The following NFASC variants were observed in gnomAD, a reference collection of about 807,000 sequenced individuals.
NFASC encodes the protein neurofascin.
Under a neutral mutation model 147.5 loss-of-function variants are expected in NFASC, and 43 were observed. That is an observed-to-expected ratio of 0.29 (90% CI 0.23 to 0.38). NFASC has a LOEUF of 0.38. NFASC is among the 10% of genes least tolerant of loss of function. NFASC has a pLI of 1.00. For missense variants in NFASC, 1,320 were observed against 1,689.0 expected (o/e 0.78, Z 3.83); for synonymous variants, 622 against 665.5 (o/e 0.93, Z 1.01).
intron 1 of NFASC, among the ~76,000 whole-genome samples, chr1:204,896,001 ATCTATTGGATTCCTTGAGATTATT>A (rs573879579): frequency 6.6e-6 from 1 of 152,296 alleles, no homozygotes; most frequent in East Asian, 1.9e-4. Flanking sequence ...TCAGTGTCCA[ATCTATTGGATTCCTTGAGATTATT>A]TTGTTTAGGA....
At chr1:204,993,126 C>T (rs368567991) in intron 24 of NFASC, among the ~76,000 whole-genome samples, 1 of 152,220 alleles carries the variant, frequency 6.6e-6, no homozygotes, top group East Asian at 1.9e-4. Context: ...GTGGGCCTGG[C>T]GTCCGGCCCA....
At chr1:204,921,040 G>C (rs2090373112) in intron 2 of NFASC, among the ~76,000 whole-genome samples, 1 of 152,146 alleles carries the variant, frequency 6.6e-6, no homozygotes, top group South Asian at 2.1e-4. Flanking sequence ...GAAAAATTGG[G>C]AAACAACTTT....
Position 204,968,399 on chromosome 1 carries a change from A to G in NFASC, c.818+39A>G, listed in dbSNP as rs765715167. 1.2e-5 allele frequency: 17 copies of G among 1,466,566 alleles called. No homozygotes were observed. Among genetic ancestry groups the G allele is most frequent in the Non-Finnish European group, 1.5e-5 (16 of 1,045,882 alleles). The allele number at this position is 1,466,566 out of a possible 1,614,324, so 90.8% of individuals were successfully genotyped here. On this transcript the variant is annotated intron_variant, in intron 9 of 29. Transcript: ENST00000339876. The surrounding 1 kb of genome is among the most constrained non-coding windows in gnomAD (Gnocchi z 5.4). Reference sequence around the variant, plus strand: ...GCAGCCCCTCTTCTAGCCACCCTCCAGGAGGATGGGGATGGGAGCTTGTTC... The same window carrying G: ...GCAGCCCCTCTTCTAGCCACCCTCCGGGAGGATGGGGATGGGAGCTTGTTC...
At chr1:204,835,261 C>T (rs1673401840) in intron 1 of NFASC, among the ~76,000 whole-genome samples, 1 of 140,498 alleles carries the variant, frequency 7.1e-6, no homozygotes. Context: ...TGCTCTGTCA[C>T]CCAGGCTGGA....
Position 204,987,600 on chromosome 1 carries a change from C to T in NFASC, c.2593+60C>T, listed in dbSNP as rs2095642368. 1.3e-6 allele frequency: 2 copies of T among 1,599,178 alleles called. No individual in the cohort carries two copies. Among genetic ancestry groups the T allele is most frequent in the Non-Finnish European group, 1.7e-6 (2 of 1,168,622 alleles). ...TGGGAACCAGAAACCCCATTCTCAC[C>T]ACTTTTCCTAAGGACTCAAGGTAGA... On this transcript the variant is annotated intron_variant, in intron 22 of 29. Coordinates refer to ENST00000339876, the MANE Select transcript of NFASC (RefSeq NM_001005388.3). This position sits in a 1 kb window ranked among gnomAD's most constrained non-coding sequence, Gnocchi z 4.4.
intron 24 of NFASC, among the ~76,000 whole-genome samples, chr1:204,995,029 A>T (rs1290730362): frequency 3.9e-5 from 6 of 152,118 alleles, no homozygotes; most frequent in South Asian, 2.1e-4. Flanking sequence ...CTGAGGTGGG[A>T]GGATTGCTTG....
At position 204,872,242 on chromosome 1, in the gene NFASC, C is replaced by T. The variant is rs767852426; in HGVS notation, c.-200+43460C>T. Among the ~76,000 whole-genome samples, 5 of 152,172 alleles carry T rather than the reference C, an allele frequency of 3.3e-5. No homozygotes were observed. In the East Asian group the frequency reaches 5.8e-4, roughly 18 times the overall value. The stretch of plus-strand genomic sequence containing the variant: ...CCCTCAACCCTATGCACAAAGCAAA[C>T]GGTACAGTTTTCCCTGAGCATCACG... On this transcript the variant is annotated intron_variant, in intron 1 of 29. Coordinates refer to ENST00000339876, the MANE Select transcript of NFASC (RefSeq NM_001005388.3).
chr1:204,832,689 G>T (rs187055384), intron 1 of NFASC, among the ~76,000 whole-genome samples: 2 of 152,182 alleles, frequency 1.3e-5, no homozygotes, highest in Non-Finnish European at 2.9e-5. Flanking sequence ...CTTTGAATCT[G>T]TCAGGAGCTG....
chr1:204,996,132 A>C (rs2095842181), intron 24 of NFASC, among the ~76,000 whole-genome samples: 1 of 152,136 alleles, frequency 6.6e-6, no homozygotes, highest in Admixed American at 6.5e-5. Flanking sequence ...AGGAAAGAAG[A>C]CCTGTGAAAA....
At chr1:204,841,893 C>T (rs1675470597) in intron 1 of NFASC, among the ~76,000 whole-genome samples, 1 of 152,152 alleles carries the variant, frequency 6.6e-6, no homozygotes, top group Admixed American at 6.5e-5. Context: ...TTGGCTTCAG[C>T]TGTGATGCTA....
At chr1:204,904,325 C>T (rs1321777850) in intron 1 of NFASC, among the ~76,000 whole-genome samples, 12 of 152,052 alleles carry the variant, frequency 7.9e-5, no homozygotes, top group African/African-American at 2.2e-4. Flanking sequence ...CTCGAACTCC[C>T]GGACTCAAGT....
intron 2 of NFASC, among the ~76,000 whole-genome samples, chr1:204,940,952 C>T (rs1463080729): frequency 6.6e-6 from 1 of 152,232 alleles, no homozygotes; most frequent in Non-Finnish European, 1.5e-5. Flanking sequence ...TCCTTTTGCA[C>T]ATATACCTTA....
intron 1 of NFASC, among the ~76,000 whole-genome samples, chr1:204,913,167 TACA>T (rs1369002570): frequency 1.3e-5 from 2 of 152,184 alleles, no homozygotes; most frequent in East Asian, 3.8e-4. Context: ...TCATAATCTG[TACA>T]ACAAAATTTT....
intron 1 of NFASC, among the ~76,000 whole-genome samples, chr1:204,898,312 A>C (rs1007125628): frequency 2.6e-5 from 4 of 152,266 alleles, no homozygotes; most frequent in Non-Finnish European, 4.4e-5. Context: ...GCTTAAATTT[A>C]AAAGATGATC....
intron 1 of NFASC, among the ~76,000 whole-genome samples, chr1:204,901,675 A>G (rs1471204318): frequency 6.6e-6 from 1 of 152,128 alleles, no homozygotes; most frequent in Admixed American, 6.5e-5. Flanking sequence ...AAAGAGAAAT[A>G]AGGCAGTAGC....
At chr1:204,927,480 C>T (rs1487330264) in intron 2 of NFASC, among the ~76,000 whole-genome samples, 1 of 152,156 alleles carries the variant, frequency 6.6e-6, no homozygotes, top group Non-Finnish European at 1.5e-5. Flanking sequence ...CTGGGTCATA[C>T]TGTAGGTCTG....
At chr1:204,997,027 C>T in intron 24 of NFASC, 143 bp from the exon 25 acceptor site, 2 of 1,298,274 alleles carry the variant, frequency 1.5e-6, no homozygotes, top group Non-Finnish European at 2.1e-6. Flanking sequence ...ACCCGTCTGA[C>T]CCAGTCCGTT....
intron 8 of NFASC, among the ~76,000 whole-genome samples, chr1:204,963,248 C>G (rs370042293): frequency 3.3e-5 from 5 of 152,188 alleles, no homozygotes; most frequent in African/African-American, 4.8e-5. Flanking sequence ...GATTCACTAC[C>G]CAAGGAATCA....
Position 204,997,151 on chromosome 1 carries a change from T to C in NFASC, c.2783-19T>C. 6.3e-7 allele frequency: 1 copy of C among 1,599,320 alleles called. No individual in the cohort carries two copies. Among genetic ancestry groups the C allele is most frequent in the Non-Finnish European group, 8.5e-7 (1 of 1,170,074 alleles). On this transcript the variant is annotated intron_variant, in intron 24 of 29. Coordinates refer to ENST00000339876, the MANE Select transcript of NFASC (RefSeq NM_001005388.3). Reference sequence around the variant, plus strand: ...CAGCCAAACCAACCAGACTCGGCTGTTTTACATTTCCCTCTCAGCTCCTCC... The same window carrying C: ...CAGCCAAACCAACCAGACTCGGCTGCTTTACATTTCCCTCTCAGCTCCTCC...
Sources: allele counts gnomAD v4.1 joint callset (sites outside exome capture counted in the v4.1 genomes callset), GRCh38; gene constraint gnomAD v4.1.1; non-coding constraint Gnocchi (gnomAD v3.1); transcripts MANE v1.5; gene names NCBI Gene and HGNC (gene_info 2026-07-23, HGNC 2026-07-21).